Variants in DCC observed in about 807,000 individuals in gnomAD.
DCC encodes the protein DCC netrin 1 receptor.
In DCC, 58 loss-of-function variants were observed where a neutral mutation model predicts 172.5. That is an observed-to-expected ratio of 0.34 (90% CI 0.27 to 0.42). The LOEUF (loss-of-function observed/expected upper bound fraction) is 0.42. Among genes scored for constraint, DCC ranks in the 10% least tolerant of loss-of-function variants. The probability of loss-of-function intolerance (pLI) is 1.00; values close to 1 mark genes in which losing one functional copy is unlikely to be tolerated. For synonymous variants in DCC, 709 were observed against 644.5 expected, an observed-to-expected ratio of 1.10 and a Z score of -1.52; for missense variants, 1,740 against 1,791.0, an observed-to-expected ratio of 0.97 and a Z score of 0.51.
chr18:53,398,335 T>C (rs1022125346), intron 18 of DCC, among the ~76,000 whole-genome samples: 1 of 152,142 alleles, frequency 6.6e-6, no homozygotes, highest in African/African-American at 2.4e-5. Flanking sequence ...AGTGAGAATA[T>C]TTTTACATAT....
intron 23 of DCC, 88 bp downstream of exon 23, chr18:53,450,750 A>G: frequency 9.1e-7 from 1 of 1,097,310 alleles, no homozygotes; most frequent in Non-Finnish European, 1.4e-6. Context: ...TTCTTTCATA[A>G]TTCACCCCAT....
chr18:52,583,807 A>G, intron 1 of DCC, among the ~76,000 whole-genome samples: 1 of 152,200 alleles, frequency 6.6e-6, no homozygotes, highest in East Asian at 1.9e-4. Flanking sequence ...GTTTGGAAAA[A>G]ATGTTTTTAA....
chr18:52,791,132 G>T (rs1043348339), intron 2 of DCC, among the ~76,000 whole-genome samples: 10 of 152,160 alleles, frequency 6.6e-5, no homozygotes, highest in African/African-American at 1.7e-4. Context: ...TGCCTCAAAT[G>T]GTTCCCCCAG....
At chr18:52,552,749 T>C (rs560587373) in intron 1 of DCC, among the ~76,000 whole-genome samples, 1 of 152,054 alleles carries the variant, frequency 6.6e-6, no homozygotes, top group African/African-American at 2.4e-5. Context: ...ATAATTCTAA[T>C]TGACTTGAAA....
At position 52,984,628 on chromosome 18, in the gene DCC, G is replaced by A. The variant is rs191117071; in HGVS notation, c.985+59258G>A. ...TTATTATATCTTCTTTCAGCTGTAC[G>A]TGTATTTTTACATTCATACATGCTC... On this transcript the variant is annotated intron_variant, in intron 5 of 28. Transcript: ENST00000442544. 6.6e-5 allele frequency among the ~76,000 whole-genome samples: 10 copies of A among 152,016 alleles called. No homozygotes were observed. In the East Asian group the frequency reaches 1.5e-3, roughly 23 times the overall value.
At chr18:52,643,717 G>A (rs1411300875) in intron 1 of DCC, among the ~76,000 whole-genome samples, 2 of 152,132 alleles carry the variant, frequency 1.3e-5, no homozygotes, top group African/African-American at 4.8e-5. Flanking sequence ...TAACCATTTG[G>A]AAATTATTTA....
chr18:53,521,855 G>A (rs1320476488), intron 27 of DCC, among the ~76,000 whole-genome samples: 1 of 152,068 alleles, frequency 6.6e-6, no homozygotes, highest in Non-Finnish European at 1.5e-5. Context: ...TAAAAGATGT[G>A]TGAAAAAATA....
At chr18:52,578,353 A>C (rs1034889673) in intron 1 of DCC, among the ~76,000 whole-genome samples, 3 of 152,254 alleles carry the variant, frequency 2.0e-5, no homozygotes, top group Admixed American at 6.5e-5. Context: ...TATTTTGCCC[A>C]CATGTATCAC....
intron 19 of DCC, among the ~76,000 whole-genome samples, chr18:53,404,569 A>C (rs1909534483): frequency 6.6e-6 from 1 of 151,894 alleles, no homozygotes; most frequent in Admixed American, 6.6e-5. Context: ...GTCTCTACTA[A>C]AAATACGAAA....
chr18:52,987,099 G>A (rs1318992766), intron 5 of DCC, among the ~76,000 whole-genome samples: 4 of 152,110 alleles, frequency 2.6e-5, no homozygotes, highest in Non-Finnish European at 5.9e-5. Context: ...TGGGATTACA[G>A]GCGTGAGACT....
chr18:53,442,845 T>A (rs554750777), intron 22 of DCC, among the ~76,000 whole-genome samples: 3 of 152,190 alleles, frequency 2.0e-5, no homozygotes, highest in Non-Finnish European at 4.4e-5. Flanking sequence ...GGATAAAAGA[T>A]AAAACCAGCG....
chr18:52,794,618 TG>T (rs2037837903), intron 2 of DCC, among the ~76,000 whole-genome samples: 1 of 152,090 alleles, frequency 6.6e-6, no homozygotes, highest in Admixed American at 6.6e-5. Flanking sequence ...CCAATTTGGA[TG>T]CCTTTTATTT....
At chr18:52,641,141 G>C (rs1247002500) in intron 1 of DCC, among the ~76,000 whole-genome samples, 1 of 152,162 alleles carries the variant, frequency 6.6e-6, no homozygotes, top group Non-Finnish European at 1.5e-5. Context: ...AACAAATGGT[G>C]CTGGGATAAT....
intron 12 of DCC, among the ~76,000 whole-genome samples, chr18:53,298,198 A>G (rs2057089491): frequency 6.6e-6 from 1 of 152,076 alleles, no homozygotes; most frequent in Non-Finnish European, 1.5e-5. Flanking sequence ...TACTAAGCAC[A>G]ATTGTTCTCT....
intron 1 of DCC, among the ~76,000 whole-genome samples, chr18:52,464,493 A>AT (rs2144546352): frequency 6.6e-6 from 1 of 152,302 alleles, no homozygotes; most frequent in Admixed American, 6.5e-5. Context: ...GGTACTAAGG[A>AT]TTGGTGACTT....
At chr18:53,300,854 G>T (rs984338585) in intron 12 of DCC, among the ~76,000 whole-genome samples, 7 of 151,976 alleles carry the variant, frequency 4.6e-5, no homozygotes, top group Admixed American at 2.6e-4. Context: ...GAAGAAGGAG[G>T]TTGGATTTCT....
rs529880733 is a variant in DCC at position 52,921,459 on chromosome 18, G to GA, written c.698-2247dup. On this transcript the variant is annotated intron_variant, in intron 3 of 28. Coordinates refer to ENST00000442544, the MANE Select transcript of DCC (RefSeq NM_005215.4). The stretch of plus-strand genomic sequence containing the variant: ...CACGCCTGTAATCCCAGCACTTTGG[G>GA]AGGCTTAGGTGGGCAGATCACCTGA... Among the ~76,000 whole-genome samples, 1,122 of 152,198 alleles carry GA rather than the reference G, an allele frequency of 7.4e-3. 6 individuals are homozygous for GA. Among genetic ancestry groups the GA allele is most frequent in the Non-Finnish European group, 0.013 (866 of 68,004 alleles).
chr18:53,477,963 C>A (rs2045786114), intron 25 of DCC, among the ~76,000 whole-genome samples: 1 of 152,200 alleles, frequency 6.6e-6, no homozygotes, highest in Admixed American at 6.5e-5. Flanking sequence ...ATTTTAAATG[C>A]TGTTTCTTAC....
In DCC at chr18:53,277,198, G is replaced by A. The variant is rs115039971; in HGVS notation, c.1912-28380G>A. On this transcript the variant is annotated intron_variant, in intron 12 of 28. Coordinates refer to ENST00000442544, the MANE Select transcript of DCC (RefSeq NM_005215.4). ...AATTACTACAAACAGGGCCAGGCAC[G>A]ATAGCTCACGCCTATAATCTCAGCA... Among the ~76,000 whole-genome samples, 667 of 152,136 alleles carry A rather than the reference G, an allele frequency of 4.4e-3. 5 individuals carry two copies. The highest frequency in any genetic ancestry group is 0.015 in the African/African-American group (624 of 41,512).
Sources: allele counts gnomAD v4.1 joint callset (sites outside exome capture counted in the v4.1 genomes callset), GRCh38; gene constraint gnomAD v4.1.1; transcripts MANE v1.5; gene names NCBI Gene and HGNC (gene_info 2026-07-23, HGNC 2026-07-21).